The following MTUS2 variants were observed in gnomAD, a reference collection of about 807,000 sequenced individuals.
MTUS2 encodes microtubule associated scaffold protein 2.
MTUS2 carries 40 observed loss-of-function variants against 114.1 expected under a neutral mutation model. That is an observed-to-expected ratio of 0.35 (90% CI 0.27 to 0.46). MTUS2 has a LOEUF of 0.46. MTUS2 is among the 20% of genes least tolerant of loss of function. The pLI is 1.00. For missense variants in MTUS2, 1,679 were observed against 1,705.4 expected (o/e 0.98, Z 0.27); for synonymous variants, 688 against 672.0 (o/e 1.02, Z -0.37).
intron 6 of MTUS2, among the ~76,000 whole-genome samples, chr13:29,292,653 A>G (rs1898766272): frequency 6.6e-6 from 1 of 152,136 alleles, no homozygotes; most frequent in Admixed American, 6.5e-5. Flanking sequence ...TAAATATAGT[A>G]AGTTTTATTG....
At chr13:29,302,977 C>T (rs746338700) in intron 6 of MTUS2, among the ~76,000 whole-genome samples, 11 of 152,206 alleles carry the variant, frequency 7.2e-5, no homozygotes, top group Admixed American at 2.0e-4. Context: ...CTGTTTTGTG[C>T]TCTTCACTGG....
rs754472367 is a variant in MTUS2, at chr13:29,101,017, G to A, written c.2644+47G>A. On this transcript the variant is annotated intron_variant, in intron 5 of 15. Coordinates refer to ENST00000612955, the MANE Select transcript of MTUS2 (RefSeq NM_001033602.4). Reference sequence around the variant, plus strand: ...GGGGTGCCTTCACTGAATTAAAACCGGCGCGCCTGTGTAACTGTGTGTCAT... The same window carrying A: ...GGGGTGCCTTCACTGAATTAAAACCAGCGCGCCTGTGTAACTGTGTGTCAT... 11 of 1,480,438 alleles carry A rather than the reference G, an allele frequency of 7.4e-6. No homozygotes were observed. In the Admixed American group the frequency reaches 7.7e-5, roughly 10 times the overall value. 91.7% of individuals were successfully genotyped at this position (1,480,438 alleles called of 1,614,324 possible).
intron 7 of MTUS2, among the ~76,000 whole-genome samples, chr13:29,337,077 G>A (rs1901099766): frequency 6.6e-6 from 1 of 152,158 alleles, no homozygotes; most frequent in Admixed American, 6.5e-5. Context: ...AGCTTGCTGG[G>A]CTCTGTGGGG....
intron 2 of MTUS2, among the ~76,000 whole-genome samples, chr13:28,844,613 A>ATG (rs1326219379): frequency 1.2e-4 from 7 of 59,606 alleles, no homozygotes; most frequent in Non-Finnish European, 1.6e-4. Context: ...GTGTGTGTGT[A>ATG]TGTGTGTGTG....
chr13:29,488,277 G>A, intron 11 of MTUS2: 1 of 464,736 alleles, frequency 2.2e-6, no homozygotes, highest in Non-Finnish European at 3.9e-6. Context: ...AAAGACCAAT[G>A]CCAGCCTCAG....
At chr13:29,054,071 T>C (rs1305211568) in intron 4 of MTUS2, among the ~76,000 whole-genome samples, 1 of 152,218 alleles carries the variant, frequency 6.6e-6, no homozygotes, top group Non-Finnish European at 1.5e-5. Context: ...GGCTCACCAG[T>C]GTCTGAAATT....
intron 2 of MTUS2, among the ~76,000 whole-genome samples, chr13:28,842,085 A>G (rs1215795643): frequency 1.3e-5 from 2 of 152,228 alleles, no homozygotes; most frequent in Non-Finnish European, 2.9e-5. Flanking sequence ...GCACAGAAAC[A>G]TGATCGATTA....
intron 5 of MTUS2, among the ~76,000 whole-genome samples, chr13:29,183,288 C>T (rs555967459): frequency 3.0e-4 from 45 of 151,642 alleles, no homozygotes; most frequent in Non-Finnish European, 5.4e-4. Context: ...AGGAAGTCAA[C>T]GATGATGACC....
chr13:29,011,805 G>C (rs562547359), intron 2 of MTUS2, among the ~76,000 whole-genome samples: 3 of 152,200 alleles, frequency 2.0e-5, no homozygotes, highest in African/African-American at 7.2e-5. Context: ...GGAGGGTTTT[G>C]CACTCACCTG....
At position 29,100,871 on chromosome 13, in the gene MTUS2, C is replaced by G. The variant is rs758460048; in HGVS notation, c.2545C>G (p.Leu849Val). ...ATACTCACGTCTCCCGGCAGCCAAA[C>G]TGGCGGCATTTGGCTTTGTCCGGAG... ...PGYSRLPAAK[L>V]AAFGFVRSSS... Residue 849 changes from leucine to valine, a missense_variant, in exon 5 of 16, where the codon CTG (leucine) becomes GTG (valine). Leu to Val is a conservative substitution (Grantham distance 32). This residue lies in a region of MTUS2 where 822 missense variants were observed against 899.7 expected (regional missense o/e 0.91). Coordinates refer to ENST00000612955, the MANE Select transcript of MTUS2 (RefSeq NM_001033602.4). 4.3e-5 allele frequency: 67 copies of G among 1,558,648 alleles called. 1 individual carries two copies. Among genetic ancestry groups the G allele is most frequent in the South Asian group, 1.2e-5 (1 of 84,424 alleles).
At chr13:28,938,066 TA>T (rs1265202130) in intron 2 of MTUS2, among the ~76,000 whole-genome samples, 17 of 152,324 alleles carry the variant, frequency 1.1e-4, no homozygotes, top group African/African-American at 4.1e-4. Flanking sequence ...AAGTGTAATT[TA>T]TTGTTAAACA....
intron 2 of MTUS2, among the ~76,000 whole-genome samples, chr13:28,929,861 C>T (rs1402513237): frequency 6.6e-6 from 1 of 152,094 alleles, no homozygotes; most frequent in Non-Finnish European, 1.5e-5. Context: ...AGTATATGAT[C>T]ATTTTTGAGG....
At chr13:29,049,192 A>C (rs916657283) in intron 4 of MTUS2, among the ~76,000 whole-genome samples, 1 of 152,202 alleles carries the variant, frequency 6.6e-6, no homozygotes, top group Non-Finnish European at 1.5e-5. Flanking sequence ...AGACAAGGTG[A>C]ATTTAAATGT....
intron 5 of MTUS2, among the ~76,000 whole-genome samples, chr13:29,175,083 G>A (rs1306344236): frequency 6.6e-6 from 1 of 152,088 alleles, no homozygotes; most frequent in Non-Finnish European, 1.5e-5. Flanking sequence ...TCTTATTCTC[G>A]AGGCTCTTAA....
rs917509766 is a variant in MTUS2 at position 29,353,386 on chromosome 13, G to A, written c.2906-5876G>A. On this transcript the variant is annotated intron_variant, in intron 7 of 15. Transcript: ENST00000612955. ...AGGTCTTACTATATTGCCCAGGGTC[G>A]TCAACCCTGGCTCAAGCAATCTTCC... Among the ~76,000 whole-genome samples, 6 of 152,156 alleles carry A rather than the reference G, an allele frequency of 3.9e-5. No individual in the cohort carries two copies. In the South Asian group the frequency reaches 8.3e-4, roughly 21 times the overall value.
At chr13:28,964,753 T>TTTTTTTTTTTTTTGTTTTTTTTTTTGAG (rs1555278824) in intron 2 of MTUS2, among the ~76,000 whole-genome samples, 1 of 148,004 alleles carries the variant, frequency 6.8e-6, no homozygotes, top group East Asian at 2.0e-4. Flanking sequence ...TTTGTGTTTT[T>TTTTTTTTTTTTTTGTTTTTTTTTTTGAG]AATGCCTGGG....
intron 2 of MTUS2, among the ~76,000 whole-genome samples, chr13:28,907,009 C>A (rs867320391): frequency 6.6e-6 from 1 of 151,462 alleles, no homozygotes; most frequent in African/African-American, 2.4e-5. Flanking sequence ...AGAGAAAGGT[C>A]GGGTTACCCA....
At chr13:29,381,716 A>G (rs1460314885) in intron 8 of MTUS2, among the ~76,000 whole-genome samples, 2 of 152,182 alleles carry the variant, frequency 1.3e-5, no homozygotes, top group African/African-American at 2.4e-5. Flanking sequence ...TAGGTTTGCA[A>G]TGATACGATC....
rs796647173 is a variant in MTUS2, at chr13:29,200,528, T to TTTTTTTA, written c.2645-81170_2645-81169insATTTTTT. 5.5e-4 allele frequency among the ~76,000 whole-genome samples: 77 copies of TTTTTTTA among 139,540 alleles called. 2 individuals are homozygous for TTTTTTTA. The South Asian group carries it at 0.017, about 31-fold the overall frequency. The allele number at this position is 139,540 out of a possible 152,430, so 91.5% of individuals were successfully genotyped here. A position where few individuals can be genotyped will look rare whatever the true frequency, so the allele number is the denominator to read the frequency against. On this transcript the variant is annotated intron_variant, in intron 5 of 15. Coordinates refer to ENST00000612955, the MANE Select transcript of MTUS2 (RefSeq NM_001033602.4). ...GAGTGAGTTTCTTTTTCTGTTTTTT[T>TTTTTTTA]TTTTTTTTTGAGATGGAGTTTTGCT...
Sources: gnomAD v4.1 joint callset for allele counts (sites outside exome capture counted in the v4.1 genomes callset) on GRCh38, gnomAD v4.1.1 for gene constraint, gnomAD v4.1.1 regional missense constraint, MANE v1.5 for transcripts, NCBI Gene and HGNC (gene_info 2026-07-23, HGNC 2026-07-21) for gene names.